NOP58: variants seen among roughly 807,000 people sequenced by gnomAD.
NOP58 encodes the protein nucleolar protein 58.
NOP58 carries 44 observed loss-of-function variants against 71.2 expected under a neutral mutation model. That is an observed-to-expected ratio of 0.62 (90% CI 0.49 to 0.79). NOP58 has a LOEUF of 0.79. Ranked by LOEUF, NOP58 falls within the 30% of genes least tolerant of loss-of-function variation. NOP58 has a pLI of 0.00. For synonymous variants in NOP58, 228 were observed against 200.3 expected, an observed-to-expected ratio of 1.14 and a Z score of -1.17; for missense variants, 538 against 620.2, an observed-to-expected ratio of 0.87 and a Z score of 1.41.
chr2:202,284,802 G>A, intron 5 of NOP58: 1 of 231,828 alleles, frequency 4.3e-6, no homozygotes, highest in East Asian at 9.8e-5. Context: ...TCTCTGCTAA[G>A]TCATGCCACT....
intron 12 of NOP58, chr2:202,299,753 TC>T (rs1348726478): frequency 1.3e-5 from 2 of 152,334 alleles, no homozygotes; most frequent in African/African-American, 4.8e-5. Context: ...TGGAATCTTT[TC>T]CATGTGCATG....
intron 4 of NOP58, 44 bp from the exon 5 acceptor site, chr2:202,284,301 G>GT: frequency 2.8e-6 from 4 of 1,426,258 alleles, no homozygotes; most frequent in Non-Finnish European, 3.8e-6. Flanking sequence ...CTTCAGGAAA[G>GT]TCTTTTTTTT....
intron 9 of NOP58, among the ~76,000 whole-genome samples, chr2:202,294,315 G>A (rs1481039274): frequency 7.9e-6 from 1 of 127,372 alleles, no homozygotes; most frequent in African/African-American, 3.0e-5. Flanking sequence ...TTGCCTGGGT[G>A]ACAAGAGTGA....
chr2:202,297,718 C>T, intron 11 of NOP58, 127 bp from the exon 12 acceptor site: 2 of 802,598 alleles, frequency 2.5e-6, no homozygotes, highest in Non-Finnish European at 3.9e-6. Flanking sequence ...ATATGCTATT[C>T]AAAATAACAA....
chr2:202,268,605 G>GT (rs1553570137), intron 1 of NOP58, among the ~76,000 whole-genome samples: 6 of 151,326 alleles, frequency 4.0e-5, no homozygotes, highest in Admixed American at 6.6e-5. Context: ...GTTTTTTGAA[G>GT]TTTTTTGTTT....
intron 3 of NOP58, among the ~76,000 whole-genome samples, chr2:202,280,512 T>C (rs550724494): frequency 5.9e-5 from 9 of 152,262 alleles, no homozygotes; most frequent in Admixed American, 3.3e-4. Context: ...TTGTATTTTT[T>C]AGTAGAGACG....
intron 1 of NOP58, 90 bp downstream of exon 1, chr2:202,266,076 A>C: frequency 6.9e-7 from 1 of 1,445,208 alleles, no homozygotes; most frequent in Non-Finnish European, 9.7e-7. Flanking sequence ...TACTCAGAGT[A>C]GCGTGGGTGC....
chr2:202,292,763 A>G lies in NOP58; in HGVS notation c.781-14A>G. The stretch of plus-strand genomic sequence containing the variant: ...CATATGATATTTGTGACTTAACTTT[A>G]TTCCTTATACTAGGTGATTGAAATC... On this transcript the variant is annotated splice_polypyrimidine_tract_variant and intron_variant, in intron 8 of 14. Coordinates refer to ENST00000264279, the MANE Select transcript of NOP58 (RefSeq NM_015934.5). 6.2e-7 allele frequency: 1 copy of G among 1,602,412 alleles called. No homozygotes were observed. The highest frequency in any genetic ancestry group is 8.6e-7 in the Non-Finnish European group (1 of 1,169,434).
chr2:202,291,777 G>C (rs1688902234), intron 8 of NOP58, among the ~76,000 whole-genome samples: 1 of 118,260 alleles, frequency 8.5e-6, no homozygotes, highest in African/African-American at 3.3e-5. Flanking sequence ...ATTGCATCCA[G>C]CCTGGGCAAC....
chr2:202,293,157 T>C (rs775067825), intron 9 of NOP58: 2 of 670,338 alleles, frequency 3.0e-6, no homozygotes, highest in African/African-American at 3.5e-5. Flanking sequence ...GTTAGAAGTT[T>C]GTTAGGGTTA....
At position 202,287,680 on chromosome 2, in the gene NOP58, A is replaced by G; in HGVS notation, c.455A>G (p.Lys152Arg). The change falls in exon 6 of 15, where the codon AAG becomes AGG. Residue 152 changes from lysine (K) to arginine (R), a missense_variant. Transcript: ENST00000264279. ...LAHSLSRYRL[K>R]FSADKVDTMI... ...CCCAGCCTGTCTCGATATAGATTGAAGTTTAGCGCTGATAAAGTAGACACA... is the reference window on the plus strand; with the variant it reads ...CCCAGCCTGTCTCGATATAGATTGAGGTTTAGCGCTGATAAAGTAGACACA... 2.5e-6 allele frequency: 4 copies of G among 1,613,054 alleles called. No individual in the cohort carries two copies. Among genetic ancestry groups the G allele is most frequent in the Non-Finnish European group, 3.4e-6 (4 of 1,179,020 alleles).
At chr2:202,276,360 A>G in intron 2 of NOP58, 1 of 291,788 alleles carries the variant, frequency 3.4e-6, no homozygotes, top group Non-Finnish European at 7.3e-6. Context: ...AAAAAAGATG[A>G]CACTGTTTTA....
Position 202,295,851 on chromosome 2 carries a change from T to C in NOP58, c.1071+14T>C. 1 of 1,514,146 alleles carries C rather than the reference T, an allele frequency of 6.6e-7. No homozygotes were observed. Among genetic ancestry groups the C allele is most frequent in the Non-Finnish European group, 8.8e-7 (1 of 1,130,770 alleles). The allele number at this position is 1,514,146 out of a possible 1,614,324, so 93.8% of individuals were successfully genotyped here. A position where few individuals can be genotyped will look rare whatever the true frequency, so the allele number is the denominator to read the frequency against. Reference sequence around the variant, plus strand: ...CACAAAGGAAAGGTGTGTTATAGGGTTTTGCTTTGTTTTTGAGGTTAGACT... The same window carrying C: ...CACAAAGGAAAGGTGTGTTATAGGGCTTTGCTTTGTTTTTGAGGTTAGACT... On this transcript the variant is annotated intron_variant, in intron 10 of 14. Coordinates refer to ENST00000264279, the MANE Select transcript of NOP58 (RefSeq NM_015934.5).
chr2:202,284,235 T>G, intron 4 of NOP58, 110 bp from the exon 5 acceptor site: 7 of 845,766 alleles, frequency 8.3e-6, no homozygotes, highest in Non-Finnish European at 1.2e-5. Flanking sequence ...ATTGCGCCAC[T>G]GCACTCCAGC....
chr2:202,266,727 C>T (rs1032020659), intron 1 of NOP58, among the ~76,000 whole-genome samples: 3 of 152,296 alleles, frequency 2.0e-5, no homozygotes, highest in South Asian at 2.1e-4. Context: ...AATACTTTTG[C>T]ATTCATTTGG....
intron 6 of NOP58, among the ~76,000 whole-genome samples, chr2:202,288,267 C>A (rs1688826041): frequency 6.6e-6 from 1 of 151,860 alleles, no homozygotes; most frequent in South Asian, 2.1e-4. Context: ...GGAGGATCAC[C>A]TGAGGTCGGG....
chr2:202,270,148 C>T (rs1009375559), intron 1 of NOP58, among the ~76,000 whole-genome samples: 3 of 152,178 alleles, frequency 2.0e-5, no homozygotes, highest in African/African-American at 7.2e-5. Flanking sequence ...TTTTATAGTA[C>T]ACTTTGTTGC....
intron 12 of NOP58, 86 bp downstream of exon 12, chr2:202,297,992 G>A (rs1017252401): frequency 1.2e-5 from 9 of 780,454 alleles, no homozygotes; most frequent in Non-Finnish European, 1.8e-5. Flanking sequence ...ACTTCACCTT[G>A]ATGTGCCCAT....
At chr2:202,297,575 A>C in intron 11 of NOP58, 62 bp downstream of exon 11, 1 of 1,514,544 alleles carries the variant, frequency 6.6e-7, no homozygotes, top group Non-Finnish European at 9.0e-7. Context: ...AAACTGAGTA[A>C]ATTTATTAAC....
Sources: gnomAD v4.1 joint callset for allele counts (sites outside exome capture counted in the v4.1 genomes callset) on GRCh38, gnomAD v4.1.1 for gene constraint, MANE v1.5 for transcripts, NCBI Gene and HGNC (gene_info 2026-07-23, HGNC 2026-07-21) for gene names.